ABLIM1: variants seen among roughly 807,000 people sequenced by gnomAD.
The protein encoded by ABLIM1 is actin binding LIM protein 1.
A neutral mutation model predicts 107.0 loss-of-function variants in ABLIM1; 40 were observed. That is an observed-to-expected ratio of 0.37 (90% CI 0.29 to 0.49). The LOEUF (loss-of-function observed/expected upper bound fraction) is 0.49, where lower values mean the gene tolerates loss of function less well. Ranked by LOEUF, ABLIM1 falls within the 20% of genes least tolerant of loss-of-function variation. The pLI is 0.97. For synonymous variants in ABLIM1, 357 were observed against 357.3 expected (o/e 1.00, Z 0.01); for missense variants, 857 against 1,008.5 (o/e 0.85, Z 2.04).
At chr10:114,787,292 T>TCTGAGAAGTGAGGAGCCTCTCC in the ABLIM1 span, among the ~76,000 whole-genome samples, 2 of 151,170 alleles carry the variant, frequency 1.3e-5, no homozygotes, top group Non-Finnish European at 3.0e-5. Flanking sequence ...GGAGCCTCTC[T>TCTGAGAAGTGAGGAGCCTCTCC]GCCCAGCAGC....
intron 6 of ABLIM1, among the ~76,000 whole-genome samples, chr10:114,519,802 CTTTTGAGT>C (rs1415655901): frequency 6.6e-6 from 1 of 152,154 alleles, no homozygotes; most frequent in African/African-American, 2.4e-5. Flanking sequence ...TGCTGAGGGC[CTTTTGAGT>C]TTTTGACATC....
At chr10:114,516,558 T>C (rs186267859) in intron 6 of ABLIM1, among the ~76,000 whole-genome samples, 11 of 152,204 alleles carry the variant, frequency 7.2e-5, no homozygotes, top group Admixed American at 3.9e-4. Flanking sequence ...CTGTTTCGCA[T>C]CCAAGTACCC....
At chr10:114,609,830 G>A (rs1316108064) in intron 1 of ABLIM1, among the ~76,000 whole-genome samples, 1 of 152,186 alleles carries the variant, frequency 6.6e-6, no homozygotes, top group Non-Finnish European at 1.5e-5. Context: ...ACAATTAATT[G>A]CTACTCACAA....
the ABLIM1 span, among the ~76,000 whole-genome samples, chr10:114,787,673 T>C: frequency 1.0e-5 from 1 of 96,550 alleles, no homozygotes; most frequent in Non-Finnish European, 2.2e-5. Context: ...GGAGCCCCTC[T>C]GCCCGGCCAG....
At chr10:114,769,422 GGAAAGAAAGAAAGAAAGAAA>G (rs201904899), upstream of ABLIM1, among the ~76,000 whole-genome samples, 102 of 51,868 alleles carry the variant, frequency 2.0e-3, no homozygotes, top group African/African-American at 5.1e-3. Context: ...AAGAAAAGAA[GGAAAGAAAGAAAGAAAGAAA>G]GAAAGAAAGA....
chr10:114,606,516 A>G (rs1032272261), intron 1 of ABLIM1, among the ~76,000 whole-genome samples: 7 of 152,036 alleles, frequency 4.6e-5, no homozygotes, highest in East Asian at 1.9e-4. Flanking sequence ...TTACAGGCGT[A>G]AGGCACCGCA....
intron 6 of ABLIM1, among the ~76,000 whole-genome samples, chr10:114,505,657 A>AC (rs1189873736): frequency 6.6e-6 from 1 of 152,162 alleles, no homozygotes; most frequent in Non-Finnish European, 1.5e-5. Context: ...AAATGTTTAA[A>AC]CTTGTTTTAC....
Position 114,718,023 on chromosome 10 carries a change from GAA to G in ABLIM1, c.-213+50036_-213+50037del, listed in dbSNP as rs1217155630. Among the ~76,000 whole-genome samples the G allele has an allele frequency of 1.5e-3, 179 of 120,360 alleles. 1 individual carries two copies. Among genetic ancestry groups the G allele is most frequent in the African/African-American group, 5.1e-3 (157 of 30,892 alleles). 79.0% of individuals were successfully genotyped at this position (120,360 alleles called of 152,430 possible). ...GGAAGGAAGGAAGGAAGGAAGGAAG[GAA>G]GGAAGGAGAAAGAGAAAGAGAAAGA... On this transcript the variant is annotated intron_variant, in intron 1 of 15. Transcript: ENST00000651092.
At chr10:114,453,243 G>C in intron 13 of ABLIM1, 136 bp downstream of exon 13, 1 of 900,086 alleles carries the variant, frequency 1.1e-6, no homozygotes, top group Admixed American at 2.1e-5. Flanking sequence ...GGCCCCCTAG[G>C]TCAGATCCTG....
chr10:114,653,015 G>A (rs1211095254), intron 1 of ABLIM1, among the ~76,000 whole-genome samples: 1 of 152,162 alleles, frequency 6.6e-6, no homozygotes, highest in East Asian at 1.9e-4. Context: ...CCAGTGTTCA[G>A]CGTACCTCAT....
At chr10:114,728,515 G>GAA (rs1223300342) in intron 1 of ABLIM1, among the ~76,000 whole-genome samples, 1 of 27,804 alleles carries the variant, frequency 3.6e-5, no homozygotes, top group East Asian at 1.0e-3. Context: ...CGATAAGGCA[G>GAA]TAAAAAAAAA....
chr10:114,556,207 G>A (rs2068709568), intron 4 of ABLIM1, among the ~76,000 whole-genome samples: 1 of 152,208 alleles, frequency 6.6e-6, no homozygotes, highest in South Asian at 2.1e-4. Flanking sequence ...AATGGTGGAG[G>A]TGGAATGTGG....
intron 8 of ABLIM1, among the ~76,000 whole-genome samples, chr10:114,486,232 C>A (rs2058170885): frequency 6.6e-6 from 1 of 152,138 alleles, no homozygotes; most frequent in African/African-American, 2.4e-5. Context: ...ACATGATTTG[C>A]AAACTCAAGC....
chr10:114,535,626 C>T (rs1034187097), intron 6 of ABLIM1, among the ~76,000 whole-genome samples: 2 of 152,120 alleles, frequency 1.3e-5, no homozygotes, highest in Non-Finnish European at 2.9e-5. Context: ...AGCATAGAAT[C>T]TTGCATTAAG....
At chr10:114,632,430 G>A (rs888851556) in intron 1 of ABLIM1, 3 of 985,256 alleles carry the variant, frequency 3.0e-6, no homozygotes, top group South Asian at 4.7e-5. Flanking sequence ...TGTTACAGTC[G>A]CTTTCAATTT....
intron 1 of ABLIM1, among the ~76,000 whole-genome samples, chr10:114,706,290 G>A (rs1048976120): frequency 2.0e-5 from 3 of 152,192 alleles, no homozygotes; most frequent in Non-Finnish European, 2.9e-5. Flanking sequence ...TTGTAGCATT[G>A]TTTCACGACG....
intron 1 of ABLIM1, among the ~76,000 whole-genome samples, chr10:114,690,800 G>T (rs1335490219): frequency 6.6e-6 from 1 of 152,076 alleles, no homozygotes; most frequent in Non-Finnish European, 1.5e-5. Context: ...TCCCACCTCA[G>T]CCTCCCAAGG....
intron 6 of ABLIM1, among the ~76,000 whole-genome samples, chr10:114,527,406 T>G (rs978978146): frequency 3.3e-5 from 5 of 152,372 alleles, no homozygotes; most frequent in South Asian, 4.1e-4. Context: ...CATTTTGTAT[T>G]GTGTGTTTTT....
intron 2 of ABLIM1, among the ~76,000 whole-genome samples, chr10:114,599,032 T>A (rs1477346544): frequency 2.0e-5 from 3 of 152,148 alleles, no homozygotes; most frequent in Non-Finnish European, 4.4e-5. Context: ...CCCTACGGGA[T>A]AAGGCATGGG....
Sources: allele counts gnomAD v4.1 joint callset (sites outside exome capture counted in the v4.1 genomes callset), GRCh38; gene constraint gnomAD v4.1.1; transcripts MANE v1.5; gene names NCBI Gene and HGNC (gene_info 2026-07-23, HGNC 2026-07-21).